Variants in TBC1D22A observed in about 807,000 individuals in gnomAD.
The protein encoded by TBC1D22A is putative GTPase activator.
TBC1D22A carries 38 observed loss-of-function variants against 60.2 expected under a neutral mutation model. The ratio of observed to expected loss-of-function variants is 0.63; its 90% CI spans 0.49 to 0.83. The LOEUF (loss-of-function observed/expected upper bound fraction) is 0.83, where lower values mean the gene tolerates loss of function less well. TBC1D22A is among the 40% of genes least tolerant of loss of function. The probability of loss-of-function intolerance (pLI) is 0.00; values close to 1 mark genes in which losing one functional copy is unlikely to be tolerated. For missense variants in TBC1D22A, 628 were observed against 701.0 expected, an observed-to-expected ratio of 0.90 and a Z score of 1.18; for synonymous variants, 302 against 281.7, an observed-to-expected ratio of 1.07 and a Z score of -0.72.
At chr22:46,806,073 G>A (rs903358800) in intron 4 of TBC1D22A, among the ~76,000 whole-genome samples, 2 of 152,026 alleles carry the variant, frequency 1.3e-5, no homozygotes, top group Non-Finnish European at 1.5e-5. Flanking sequence ...GGCTGGTCTC[G>A]AACTCCTGAC....
chr22:46,773,776 A>G (rs571650243), intron 1 of TBC1D22A, among the ~76,000 whole-genome samples: 1 of 152,296 alleles, frequency 6.6e-6, no homozygotes, highest in Non-Finnish European at 1.5e-5. Flanking sequence ...CCGGCGGGCT[A>G]GACACTGTAC....
chr22:47,166,209 G>C (rs1421486455), intron 12 of TBC1D22A, among the ~76,000 whole-genome samples: 1 of 152,152 alleles, frequency 6.6e-6, no homozygotes, highest in Non-Finnish European at 1.5e-5. Flanking sequence ...GTGCACAGAG[G>C]GTCCAGGGGA....
At chr22:46,792,648 T>C in intron 2 of TBC1D22A, 72 bp downstream of exon 2, 1 of 1,613,528 alleles carries the variant, frequency 6.2e-7, no homozygotes, top group South Asian at 1.1e-5. Context: ...CCGGTCTTCC[T>C]GCTTCCTTCC....
At chr22:46,829,169 C>G (rs1602051835) in intron 4 of TBC1D22A, among the ~76,000 whole-genome samples, 1 of 152,162 alleles carries the variant, frequency 6.6e-6, no homozygotes, top group African/African-American at 2.4e-5. Flanking sequence ...TTCTTTGACT[C>G]TTCTCTCTGT....
chr22:46,875,293 AG>A (rs2067499563), intron 4 of TBC1D22A, among the ~76,000 whole-genome samples: 1 of 152,204 alleles, frequency 6.6e-6, no homozygotes, highest in African/African-American at 2.4e-5. Context: ...TAGGACACAA[AG>A]GATATATACT....
intron 10 of TBC1D22A, among the ~76,000 whole-genome samples, chr22:47,031,019 G>A (rs369764375): frequency 6.6e-6 from 1 of 152,222 alleles, no homozygotes; most frequent in African/African-American, 2.4e-5. Flanking sequence ...GACACTCCCC[G>A]GTGCCTTCTG....
chr22:47,080,358 A>G (rs963386616), intron 11 of TBC1D22A, among the ~76,000 whole-genome samples: 7 of 152,244 alleles, frequency 4.6e-5, no homozygotes, highest in Admixed American at 6.5e-5. Context: ...ACGAATCACC[A>G]TGATTTCCTG....
chr22:46,929,634 A>G lies in TBC1D22A; in HGVS notation c.1015+17446A>G, dbSNP rs117914624. Among the ~76,000 whole-genome samples, 305 of 152,292 alleles carry G rather than the reference A, an allele frequency of 2.0e-3. 5 individuals carry two copies. The East Asian group carries it at 0.038, about 19-fold the overall frequency. Reference sequence around the variant, plus strand: ...AATTAATACACTCTCCAGTACTGACATGTGAGTTTTCAACCTCAAGGTACC... The same window carrying G: ...AATTAATACACTCTCCAGTACTGACGTGTGAGTTTTCAACCTCAAGGTACC... On this transcript the variant is annotated intron_variant, in intron 8 of 12. Coordinates refer to ENST00000337137, the MANE Select transcript of TBC1D22A (RefSeq NM_014346.5).
chr22:46,861,012 G>C (rs1022962371), intron 4 of TBC1D22A, among the ~76,000 whole-genome samples: 5 of 152,134 alleles, frequency 3.3e-5, no homozygotes, highest in African/African-American at 1.2e-4. Flanking sequence ...TCTAAGCTCT[G>C]TTGCCCTGGT....
intron 11 of TBC1D22A, among the ~76,000 whole-genome samples, chr22:47,097,948 G>A (rs2065248934): frequency 6.6e-6 from 1 of 152,144 alleles, no homozygotes; most frequent in Admixed American, 6.5e-5. Context: ...GGCTCTGAGT[G>A]CTAGGTATCC....
In TBC1D22A at chr22:46,789,185, G is replaced by A. The variant is rs535116723; in HGVS notation, c.63-3335G>A. 2.0e-4 allele frequency: 33 copies of A among 162,912 alleles called. No individual in the cohort carries two copies. The South Asian group carries it at 3.6e-3, about 18-fold the overall frequency. The allele number at this position is 162,912 out of a possible 1,614,324, so 10.1% of individuals were successfully genotyped here. On this transcript the variant is annotated intron_variant, in intron 1 of 12. Coordinates refer to ENST00000337137, the MANE Select transcript of TBC1D22A (RefSeq NM_014346.5). ...CTGTCGCCTAGGCTGGAGTGCAGTG[G>A]CGCAATCTCGGCTCACTACAAGCTC...
chr22:46,918,958 C>A (rs2070564175), intron 8 of TBC1D22A, among the ~76,000 whole-genome samples: 1 of 152,220 alleles, frequency 6.6e-6, no homozygotes, highest in South Asian at 2.1e-4. Context: ...AACCTCCATG[C>A]AACTTTACTT....
intron 12 of TBC1D22A, among the ~76,000 whole-genome samples, chr22:47,150,509 G>T (rs1364670587): frequency 1.3e-5 from 2 of 152,204 alleles, no homozygotes; most frequent in Non-Finnish European, 2.9e-5. Flanking sequence ...AGGCGGTCTG[G>T]GTGGCCGGGC....
chr22:46,831,957 T>TC (rs139601), intron 4 of TBC1D22A, among the ~76,000 whole-genome samples: 64,076 of 151,812 alleles, frequency 0.42, 13,479 homozygotes, highest in South Asian at 0.46. Context: ...GAAGGTCCTT[T>TC]CCCCCCTCAT....
intron 11 of TBC1D22A, among the ~76,000 whole-genome samples, chr22:47,039,962 T>TG (rs2062785388): frequency 1.5e-5 from 2 of 129,754 alleles, no homozygotes; most frequent in African/African-American, 5.8e-5. Context: ...TTTTTTTTTT[T>TG]GAGACAGAGT....
chr22:47,142,699 C>A, intron 12 of TBC1D22A, among the ~76,000 whole-genome samples: 1 of 82,340 alleles, frequency 1.2e-5, no homozygotes, highest in Admixed American at 1.3e-4. Context: ...CACCCCCATC[C>A]ATCTACCCAT....
chr22:46,782,390 G>C (rs1379026110), intron 1 of TBC1D22A, among the ~76,000 whole-genome samples: 2 of 152,198 alleles, frequency 1.3e-5, no homozygotes, highest in Non-Finnish European at 2.9e-5. Context: ...GAATGAGGCT[G>C]GTCAGCCATC....
chr22:46,841,049 T>TGTGTGG (rs2086741019), intron 4 of TBC1D22A, among the ~76,000 whole-genome samples: 1 of 143,590 alleles, frequency 7.0e-6, no homozygotes. Flanking sequence ...TGAAAATGGG[T>TGTGTGG]GTGTGTGTGT....
At chr22:47,075,275 A>G (rs1457018227) in intron 11 of TBC1D22A, among the ~76,000 whole-genome samples, 2 of 151,138 alleles carry the variant, frequency 1.3e-5, no homozygotes, top group Non-Finnish European at 2.9e-5. Context: ...GTGGGGACAT[A>G]GATCCCTGCT....
Sources: gnomAD v4.1 joint callset for allele counts (sites outside exome capture counted in the v4.1 genomes callset) on GRCh38, gnomAD v4.1.1 for gene constraint, MANE v1.5 for transcripts, NCBI Gene and HGNC (gene_info 2026-07-23, HGNC 2026-07-21) for gene names.